Variants in SGK1 observed in about 807,000 individuals in gnomAD.
The protein encoded by SGK1 is serum/glucocorticoid regulated kinase 1.
SGK1 carries 26 observed loss-of-function variants against 64.2 expected under a neutral mutation model. The observed-to-expected ratio is 0.40, with a 90% confidence interval of 0.30 to 0.56. SGK1 has a LOEUF of 0.56. SGK1 is among the 20% of genes least tolerant of loss of function. SGK1 has a pLI of 0.38. For synonymous variants in SGK1, 265 were observed against 239.7 expected, an observed-to-expected ratio of 1.11 and a Z score of -0.98; for missense variants, 519 against 645.6, an observed-to-expected ratio of 0.80 and a Z score of 2.12.
intron 3 of SGK1, among the ~76,000 whole-genome samples, chr6:134,197,665 A>G (rs1775614127): frequency 6.6e-6 from 1 of 152,004 alleles, no homozygotes; most frequent in African/African-American, 2.4e-5. Context: ...ATCTCTACTA[A>G]AAATACAAAA....
intron 3 of SGK1, among the ~76,000 whole-genome samples, chr6:134,184,184 G>T (rs1467002658): frequency 6.6e-6 from 1 of 151,886 alleles, no homozygotes; most frequent in Non-Finnish European, 1.5e-5. Context: ...GCTCCTTCTT[G>T]TCATTCGGAT....
intron 1 of SGK1, among the ~76,000 whole-genome samples, chr6:134,263,750 T>C (rs974839855): frequency 1.3e-5 from 2 of 152,100 alleles, no homozygotes; most frequent in Non-Finnish European, 2.9e-5. Context: ...GTTTGATGTG[T>C]ATAGTTTTTA....
intron 2 of SGK1, among the ~76,000 whole-genome samples, chr6:134,235,699 G>A (rs1776352922): frequency 6.6e-6 from 1 of 151,784 alleles, no homozygotes; most frequent in African/African-American, 2.4e-5. Context: ...AGCCTCTCGA[G>A]TAGCTGGGAC....
intron 2 of SGK1, among the ~76,000 whole-genome samples, chr6:134,255,134 G>T (rs1387786325): frequency 6.6e-6 from 1 of 152,164 alleles, no homozygotes; most frequent in Non-Finnish European, 1.5e-5. Context: ...CTCCCAAAGT[G>T]CTGGGATTAC....
intron 3 of SGK1, chr6:134,175,589 C>G (rs772143470): frequency 6.4e-6 from 10 of 1,570,072 alleles, no homozygotes; most frequent in Non-Finnish European, 8.6e-6. Flanking sequence ...TGCGCCTCGG[C>G]CCTCTTTTTG....
At chr6:134,211,811 T>G (rs900919610) in intron 2 of SGK1, among the ~76,000 whole-genome samples, 2 of 148,178 alleles carry the variant, frequency 1.3e-5, no homozygotes, top group African/African-American at 5.0e-5. Flanking sequence ...GAGACTGAGG[T>G]TGCAGTGAGC....
At chr6:134,296,913 T>C (rs902437684) in intron 1 of SGK1, 9 of 334,972 alleles carry the variant, frequency 2.7e-5, no homozygotes, top group Non-Finnish European at 5.2e-5. Context: ...TCCTGTTCCC[T>C]GTCCTACCCT....
chr6:134,302,816 G>T lies in SGK1; in HGVS notation c.69+14576C>A, dbSNP rs148447565. On this transcript the variant is annotated intron_variant, in intron 1 of 13. Coordinates refer to ENST00000367858, the MANE Select transcript of SGK1 (RefSeq NM_001143676.3). Reference sequence around the variant, plus strand: ...GTCGCCCAGGCTGGAGTGTAGTGGGGTGATCTTGGCTCACTGCAACCTCCA... The same window carrying T: ...GTCGCCCAGGCTGGAGTGTAGTGGGTTGATCTTGGCTCACTGCAACCTCCA... 4.2e-3 allele frequency among the ~76,000 whole-genome samples: 633 copies of T among 151,980 alleles called. 5 individuals carry two copies. The highest frequency in any genetic ancestry group is 0.015 in the African/African-American group (605 of 41,466).
At chr6:134,196,862 T>G (rs1167836603) in intron 3 of SGK1, among the ~76,000 whole-genome samples, 2 of 152,224 alleles carry the variant, frequency 1.3e-5, no homozygotes, top group African/African-American at 4.8e-5. Context: ...ACCTTAATTT[T>G]GGGCAGTGTT....
At chr6:134,190,577 C>T (rs1477304646) in intron 3 of SGK1, among the ~76,000 whole-genome samples, 7 of 152,238 alleles carry the variant, frequency 4.6e-5, no homozygotes, top group South Asian at 4.1e-4. Flanking sequence ...TGAGCCACCA[C>T]GCCAAGCTTC....
chr6:134,197,073 A>C (rs1582703735), intron 3 of SGK1, among the ~76,000 whole-genome samples: 1 of 152,216 alleles, frequency 6.6e-6, no homozygotes, highest in East Asian at 1.9e-4. Flanking sequence ...TCTCTACAAA[A>C]AACAAAAAAA....
At chr6:134,297,388 C>G (rs542430681) in intron 1 of SGK1, 1 of 793,408 alleles carries the variant, frequency 1.3e-6, no homozygotes, top group East Asian at 3.1e-5. Context: ...GCATCCTTAA[C>G]AGCCAGCTCC....
At chr6:134,269,651 C>G (rs1425962225) in intron 1 of SGK1, among the ~76,000 whole-genome samples, 1 of 141,444 alleles carries the variant, frequency 7.1e-6, no homozygotes, top group Non-Finnish European at 1.5e-5. Flanking sequence ...GAGTGAGACT[C>G]TGTCTCAAAA....
At chr6:134,249,947 A>G (rs545155485) in intron 2 of SGK1, among the ~76,000 whole-genome samples, 2 of 152,254 alleles carry the variant, frequency 1.3e-5, no homozygotes, top group East Asian at 3.9e-4. Flanking sequence ...ACGTTTTCTA[A>G]TCTACAAAGA....
chr6:134,176,201 A>C (rs912169705), intron 3 of SGK1, among the ~76,000 whole-genome samples: 2 of 152,048 alleles, frequency 1.3e-5, no homozygotes, highest in Non-Finnish European at 2.9e-5. Flanking sequence ...CCGCTGTCCC[A>C]CCTGAAAACC....
chr6:134,280,296 G>A (rs1052659220), intron 1 of SGK1, among the ~76,000 whole-genome samples: 9 of 151,656 alleles, frequency 5.9e-5, no homozygotes, highest in East Asian at 5.8e-4. Context: ...ATAGGGTATA[G>A]TTCCTAGTAC....
At chr6:134,232,726 C>T (rs568675847) in intron 2 of SGK1, among the ~76,000 whole-genome samples, 71 of 151,714 alleles carry the variant, frequency 4.7e-4, no homozygotes, top group South Asian at 1.5e-3. Context: ...TTGTGGGGGC[C>T]GGTAATCCCA....
intron 3 of SGK1, among the ~76,000 whole-genome samples, chr6:134,188,333 T>C (rs1168904352): frequency 1.3e-5 from 2 of 152,056 alleles, no homozygotes; most frequent in Non-Finnish European, 2.9e-5. Flanking sequence ...AGCCAAACTA[T>C]TGGCCACAGC....
chr6:134,232,830 C>T (rs956998777), intron 2 of SGK1, among the ~76,000 whole-genome samples: 9 of 147,050 alleles, frequency 6.1e-5, no homozygotes, highest in South Asian at 2.1e-4. Flanking sequence ...CCAGCCTGGG[C>T]GACAGAGTGA....
Sources: gnomAD v4.1 joint callset for allele counts (sites outside exome capture counted in the v4.1 genomes callset) on GRCh38, gnomAD v4.1.1 for gene constraint, MANE v1.5 for transcripts, NCBI Gene and HGNC (gene_info 2026-07-23, HGNC 2026-07-21) for gene names.